Variants in VIT observed in about 807,000 individuals in gnomAD.
VIT encodes vitrin.
In VIT, 99 loss-of-function variants were observed where a neutral mutation model predicts 78.0. That is an observed-to-expected ratio of 1.27 (90% CI 1.08 to 1.50). The LOEUF is 1.50. VIT is among the 40% of genes most tolerant of loss of function. The probability of loss-of-function intolerance (pLI) is 0.00; values close to 1 mark genes in which losing one functional copy is unlikely to be tolerated. For synonymous variants in VIT, 374 were observed against 334.3 expected, an observed-to-expected ratio of 1.12 and a Z score of -1.29; for missense variants, 1,126 against 875.3, an observed-to-expected ratio of 1.29 and a Z score of -3.61.
intron 2 of VIT, among the ~76,000 whole-genome samples, chr2:36,722,695 G>T (rs758314855): frequency 6.6e-6 from 1 of 152,136 alleles, no homozygotes; most frequent in Non-Finnish European, 1.5e-5. Context: ...GCTTATAAAA[G>T]TTCTAGGTAC....
At chr2:36,777,375 A>G (rs773788657) in intron 9 of VIT, among the ~76,000 whole-genome samples, 3 of 151,826 alleles carry the variant, frequency 2.0e-5, no homozygotes, top group Non-Finnish European at 4.4e-5. Context: ...CTTTTCCAGG[A>G]TATCTCTTTA....
In VIT at chr2:36,777,291, C is replaced by T. The variant is rs143877905; in HGVS notation, c.802+2224C>T. On this transcript the variant is annotated intron_variant, in intron 9 of 15. Transcript: ENST00000379242. The stretch of plus-strand genomic sequence containing the variant: ...CTGAGAGCATAAGAAGGCTGAGAAC[C>T]TTTGAGAGTGCCTTAAATTTGAGAG... Among the ~76,000 whole-genome samples, 79 of 151,640 alleles carry T rather than the reference C, an allele frequency of 5.2e-4. 3 individuals carry two copies. The East Asian group carries it at 0.015, about 28-fold the overall frequency.
At chr2:36,757,413 C>T (rs1668833531) in intron 5 of VIT, among the ~76,000 whole-genome samples, 1 of 152,088 alleles carries the variant, frequency 6.6e-6, no homozygotes, top group Non-Finnish European at 1.5e-5. Context: ...TCCTTTGATC[C>T]ACATTTCAGG....
At chr2:36,796,978 T>C (rs1665948300) in intron 12 of VIT, among the ~76,000 whole-genome samples, 1 of 152,158 alleles carries the variant, frequency 6.6e-6, no homozygotes, top group Admixed American at 6.5e-5. Context: ...TTTTACATTA[T>C]AACTAATGTA....
At chr2:36,736,769 C>G (rs1270522306) in intron 3 of VIT, among the ~76,000 whole-genome samples, 2 of 152,230 alleles carry the variant, frequency 1.3e-5, no homozygotes, top group African/African-American at 4.8e-5. Context: ...CTCCTGTATG[C>G]ACTGCACTTT....
intron 3 of VIT, among the ~76,000 whole-genome samples, chr2:36,741,063 G>C (rs1335910261): frequency 6.6e-6 from 1 of 152,166 alleles, no homozygotes; most frequent in Non-Finnish European, 1.5e-5. Flanking sequence ...TAAGAACAAA[G>C]AAGAAATCTT....
chr2:36,790,135 C>A (rs1485464189), intron 12 of VIT, among the ~76,000 whole-genome samples: 1 of 152,190 alleles, frequency 6.6e-6, no homozygotes, highest in Non-Finnish European at 1.5e-5. Context: ...AAAATGGTCT[C>A]ATTTACAAAA....
At chr2:36,787,083 G>T (rs377314783) in intron 11 of VIT, 46 bp from the exon 12 acceptor site, 3 of 1,609,062 alleles carry the variant, frequency 1.9e-6, no homozygotes, top group Admixed American at 1.7e-5. Context: ...CCAGGTAAAT[G>T]CAGTGAGAGA....
chr2:36,721,418 G>A (rs932461395), intron 2 of VIT, among the ~76,000 whole-genome samples: 20 of 151,882 alleles, frequency 1.3e-4, no homozygotes, highest in African/African-American at 4.8e-4. Context: ...TCCACCTCAG[G>A]GCCATTTGCT....
rs1313725708 is a variant in VIT at position 36,728,240 on chromosome 2, T to C, written c.53-1186T>C. On this transcript the variant is annotated intron_variant, in intron 2 of 15. Coordinates refer to ENST00000379242, the MANE Select transcript of VIT (RefSeq NM_053276.4). ...GCCACCACGTCCAGCCTGTATTTTC[T>C]ATCCTATATTTTTATCATTATTTTA... Among the ~76,000 whole-genome samples the C allele has an allele frequency of 2.0e-5, 3 of 152,298 alleles. No individual in the cohort carries two copies. The East Asian group carries it at 5.8e-4, about 29-fold the overall frequency.
intron 4 of VIT, among the ~76,000 whole-genome samples, chr2:36,753,389 T>A (rs1372085201): frequency 1.3e-5 from 2 of 152,038 alleles, no homozygotes; most frequent in East Asian, 1.9e-4. Context: ...GAAAAAAAAA[T>A]TGGCTCTCAA....
chr2:36,697,061 C>A (rs1233471718), intron 1 of VIT, 88 bp downstream of exon 1: 1 of 147,338 alleles, frequency 6.8e-6, no homozygotes, highest in East Asian at 1.9e-4. Flanking sequence ...AACTACAATA[C>A]AAAGCTTGAC....
At position 36,790,939 on chromosome 2, in the gene VIT, C is replaced by G. The variant is rs1220346506; in HGVS notation, c.1058+3663C>G. On this transcript the variant is annotated intron_variant, in intron 12 of 15. Transcript: ENST00000379242. The stretch of plus-strand genomic sequence containing the variant: ...AGCCAGGCAAGCCATTAGGTGAACT[C>G]TAGTAACGTGGCCAAACACCTTGCA... Among the ~76,000 whole-genome samples, 5 of 152,248 alleles carry G rather than the reference C, an allele frequency of 3.3e-5. No individual in the cohort carries two copies. In the East Asian group the frequency reaches 9.7e-4, roughly 30 times the overall value.
At chr2:36,733,635 A>C (rs951660406) in intron 3 of VIT, among the ~76,000 whole-genome samples, 3 of 152,274 alleles carry the variant, frequency 2.0e-5, no homozygotes, top group African/African-American at 7.2e-5. Flanking sequence ...ATAGTATGAA[A>C]GTGTGTACAA....
chr2:36,751,637 G>T (rs1189365106), intron 4 of VIT, among the ~76,000 whole-genome samples: 1 of 152,150 alleles, frequency 6.6e-6, no homozygotes, highest in East Asian at 1.9e-4. Context: ...ACAGGACCAA[G>T]GCTCTATAAT....
chr2:36,792,069 A>G (rs866466903), intron 12 of VIT, among the ~76,000 whole-genome samples: 10 of 152,158 alleles, frequency 6.6e-5, no homozygotes, highest in African/African-American at 1.9e-4. Flanking sequence ...TCACGTTGGC[A>G]TTACCTGGGG....
In VIT at chr2:36,767,165, C is replaced by T. The variant is rs139226815; in HGVS notation, c.559C>T (p.Leu187Phe). Residue 187 changes from leucine to phenylalanine, a missense_variant, in exon 7 of 16, where the codon CTT (leucine) becomes TTT (phenylalanine). Physicochemically the swap from Leu to Phe is conservative, Grantham distance 22. Coordinates refer to ENST00000379242, the MANE Select transcript of VIT (RefSeq NM_053276.4). The stretch of plus-strand genomic sequence containing the variant: ...TGCACAGCCGGTCACTCTGATGCAG[C>T]TTCTGGCTGTCACTGTAGCTGTGGC... ...TTAQPVTLMQ[L>F]LAVTVAVATP... The T allele has an allele frequency of 6.2e-7, 1 of 1,611,324 alleles. No individual in the cohort carries two copies. Among genetic ancestry groups the T allele is most frequent in the African/African-American group, 1.3e-5 (1 of 74,852 alleles).
chr2:36,799,178 A>G (rs1666131484), intron 12 of VIT, among the ~76,000 whole-genome samples: 1 of 152,140 alleles, frequency 6.6e-6, no homozygotes, highest in Admixed American at 6.5e-5. Context: ...AGCATAGATC[A>G]TTTTGAGATA....
intron 10 of VIT, 120 bp from the exon 11 acceptor site, chr2:36,783,220 A>C (rs1664876252): frequency 1.2e-6 from 1 of 804,478 alleles, no homozygotes; most frequent in South Asian, 1.8e-5. Context: ...AAAAAAGCAC[A>C]GTTAGCTTTA....
Sources: gnomAD v4.1 joint callset for allele counts (sites outside exome capture counted in the v4.1 genomes callset) on GRCh38, gnomAD v4.1.1 for gene constraint, MANE v1.5 for transcripts, NCBI Gene and HGNC (gene_info 2026-07-23, HGNC 2026-07-21) for gene names.